The following PAPPA variants were observed in gnomAD, a reference collection of about 807,000 sequenced individuals.
PAPPA encodes the protein pappalysin-1.
In PAPPA, 60 loss-of-function variants were observed where a neutral mutation model predicts 164.0. The observed-to-expected ratio is 0.37, with a 90% CI of 0.30 to 0.45. The LOEUF is 0.45. Ranked by LOEUF, PAPPA falls within the 20% of genes least tolerant of loss-of-function variation. PAPPA has a pLI of 1.00. For missense variants in PAPPA, 1,782 were observed against 2,087.3 expected, an observed-to-expected ratio of 0.85 and a Z score of 2.85; for synonymous variants, 875 against 814.1, an observed-to-expected ratio of 1.07 and a Z score of -1.27.
At chr9:116,225,921 G>A (rs1844501869) in intron 5 of PAPPA, among the ~76,000 whole-genome samples, 1 of 152,090 alleles carries the variant, frequency 6.6e-6, no homozygotes, top group Non-Finnish European at 1.5e-5. Context: ...GTTGTGTGCT[G>A]TGCTGTGTGA....
At chr9:116,353,952 G>A (rs1846318553) in intron 17 of PAPPA, among the ~76,000 whole-genome samples, 159 bp downstream of exon 17, 3 of 152,064 alleles carry the variant, frequency 2.0e-5, no homozygotes, top group Admixed American at 2.0e-4. Flanking sequence ...GAGATTCTTA[G>A]CTTTGAATTT....
At chr9:116,278,289 G>A (rs1845225572) in intron 9 of PAPPA, among the ~76,000 whole-genome samples, 2 of 152,292 alleles carry the variant, frequency 1.3e-5, no homozygotes, top group Admixed American at 1.3e-4. Context: ...TCAGAAAATT[G>A]AGGCGTTGAG....
rs79612965 is a variant in PAPPA, at chr9:116,318,350, T to C, written c.3148-12894T>C. 6 of 152,244 alleles carry C rather than the reference T, an allele frequency of 3.9e-5. No homozygotes were observed. The East Asian group carries it at 1.2e-3, about 29-fold the overall frequency. 9.4% of individuals were successfully genotyped at this position (152,244 alleles called of 1,614,324 possible). A position where few individuals can be genotyped will look rare whatever the true frequency, so the allele number is the denominator to read the frequency against. On this transcript the variant is annotated intron_variant, in intron 10 of 21. Transcript: ENST00000328252. The stretch of plus-strand genomic sequence containing the variant: ...TTTTATCTTTGTTGCTTTTGTTCCT[T>C]TGGGGTCCATTTTCTTCATGTGGAC...
At chr9:116,333,143 A>T (rs536427899) in intron 12 of PAPPA, among the ~76,000 whole-genome samples, 3 of 152,190 alleles carry the variant, frequency 2.0e-5, no homozygotes, top group Non-Finnish European at 4.4e-5. Context: ...CAGAGGAGAG[A>T]GCCTGAATCC....
At chr9:116,244,733 A>G (rs1344961077) in intron 7 of PAPPA, among the ~76,000 whole-genome samples, 2 of 152,208 alleles carry the variant, frequency 1.3e-5, no homozygotes, top group African/African-American at 4.8e-5. Context: ...AAATTAGTAC[A>G]ACCTCTATGG....
rs369805016 is a variant in PAPPA at position 116,293,753 on chromosome 9, G to A, written c.2954-9004G>A. Among the ~76,000 whole-genome samples the A allele has an allele frequency of 5.3e-5, 8 of 152,204 alleles. No individual in the cohort carries two copies. The South Asian group carries it at 8.3e-4, about 16-fold the overall frequency. Reference sequence around the variant, plus strand: ...GCGGATCACCTGAGGTCGGGAGTTCGAGACCAGCCTGACCAATGTGGAGAA... The same window carrying A: ...GCGGATCACCTGAGGTCGGGAGTTCAAGACCAGCCTGACCAATGTGGAGAA... On this transcript the variant is annotated intron_variant, in intron 9 of 21. Coordinates refer to ENST00000328252, the MANE Select transcript of PAPPA (RefSeq NM_002581.5).
Position 116,154,240 on chromosome 9 carries a change from A to G in PAPPA, c.68A>G (p.Glu23Gly). The G allele has an allele frequency of 7.1e-7, 1 of 1,411,178 alleles. No homozygotes were observed. The highest frequency in any genetic ancestry group is 1.3e-5 in the South Asian group (1 of 78,086). 87.4% of individuals were successfully genotyped at this position (1,411,178 alleles called of 1,614,324 possible). A position where few individuals can be genotyped will look rare whatever the true frequency, so the allele number is the denominator to read the frequency against. The change falls in exon 1 of 22, where the codon GAG (glutamate) becomes GGG (glycine). Residue 23 changes from glutamate to glycine, a missense_variant. By Grantham distance (98) the Glu-to-Gly change is moderately conservative. Around this residue, in one of 2 missense-constraint regions of PAPPA, gnomAD observed 458 missense variants for 430.3 expected, o/e 1.06. Transcript: ENST00000328252. The surrounding 1 kb of genome is among the most constrained non-coding windows in gnomAD (Gnocchi z 5.2). ...GCCGCGCTGGGCTGCGGGCTGGCCG[A>G]GCGTCCCCGCCGGGCCCGGAGAGAC... Reference protein sequence around the residue: ...LSAALGCGLAERPRRARRDPR... With the variant: ...LSAALGCGLAGRPRRARRDPR...
At chr9:116,293,914 C>T (rs546299174) in intron 9 of PAPPA, among the ~76,000 whole-genome samples, 1 of 152,244 alleles carries the variant, frequency 6.6e-6, no homozygotes, top group Admixed American at 6.5e-5. Context: ...TGCACCATTG[C>T]ACTTCAGCCT....
chr9:116,382,608 C>G, intron 21 of PAPPA, 115 bp downstream of exon 21: 1 of 687,486 alleles, frequency 1.5e-6, no homozygotes, highest in East Asian at 2.6e-5. Flanking sequence ...CAGCACTGTC[C>G]ACACGCTTTA....
chr9:116,372,563 T>C lies in PAPPA; in HGVS notation c.4605+4809T>C, dbSNP rs557641431. Reference sequence around the variant, plus strand: ...GGGGTGGCAGCCTGTCTCCCATCAGTTCCTAAGAAATAGATCCAATTTGCT... The same window carrying C: ...GGGGTGGCAGCCTGTCTCCCATCAGCTCCTAAGAAATAGATCCAATTTGCT... On this transcript the variant is annotated intron_variant, in intron 19 of 21. Coordinates refer to ENST00000328252, the MANE Select transcript of PAPPA (RefSeq NM_002581.5). Among the ~76,000 whole-genome samples, 4 of 152,234 alleles carry C rather than the reference T, an allele frequency of 2.6e-5. No homozygotes were observed. In the South Asian group the frequency reaches 8.3e-4, roughly 32 times the overall value.
At chr9:116,264,736 G>A (rs916571306) in intron 7 of PAPPA, among the ~76,000 whole-genome samples, 5 of 152,062 alleles carry the variant, frequency 3.3e-5, no homozygotes, top group Admixed American at 1.3e-4. Flanking sequence ...TTTTCCCATG[G>A]TACTTTGTTG....
At chr9:116,322,320 G>A (rs1023137518) in intron 10 of PAPPA, among the ~76,000 whole-genome samples, 3 of 148,046 alleles carry the variant, frequency 2.0e-5, no homozygotes, top group Non-Finnish European at 4.4e-5. Flanking sequence ...GGAGGCAGGA[G>A]AACCGCTTGA....
chr9:116,248,116 C>T (rs1844818092), intron 7 of PAPPA, among the ~76,000 whole-genome samples: 1 of 152,212 alleles, frequency 6.6e-6, no homozygotes. Context: ...AACACTCTGA[C>T]ACATACAGAC....
chr9:116,351,600 C>T lies in PAPPA; in HGVS notation c.3965-1106C>T, dbSNP rs142413388. ...GTAGCCAACTTCCCATTAAAAACAA[C>T]CATCTCTGTAGTTAGACAGAATTTG... is the stretch of plus-strand genomic sequence containing the variant. On this transcript the variant is annotated intron_variant, in intron 15 of 21. Coordinates refer to ENST00000328252, the MANE Select transcript of PAPPA (RefSeq NM_002581.5). Among the ~76,000 whole-genome samples, 183 of 152,298 alleles carry T rather than the reference C, an allele frequency of 1.2e-3. 1 individual carries two copies. The highest frequency in any genetic ancestry group is 4.3e-3 in the African/African-American group (177 of 41,566).
chr9:116,267,307 A>T (rs1388357850), intron 8 of PAPPA, among the ~76,000 whole-genome samples: 1 of 152,274 alleles, frequency 6.6e-6, no homozygotes, highest in Non-Finnish European at 1.5e-5. Flanking sequence ...TACAGCAAGG[A>T]TGATGCAGTA....
chr9:116,278,996 C>G (rs538279787), intron 9 of PAPPA, among the ~76,000 whole-genome samples: 6 of 152,282 alleles, frequency 3.9e-5, no homozygotes, highest in Admixed American at 2.6e-4. Flanking sequence ...GCCAACCCAT[C>G]ATCAGCAAAA....
chr9:116,317,059 C>G (rs1326045430), intron 10 of PAPPA, among the ~76,000 whole-genome samples: 2 of 152,006 alleles, frequency 1.3e-5, no homozygotes, highest in Non-Finnish European at 2.9e-5. Context: ...CAATCTGGAA[C>G]ACACAGATCT....
chr9:116,370,152 A>G (rs1369851770), intron 19 of PAPPA, among the ~76,000 whole-genome samples: 1 of 152,114 alleles, frequency 6.6e-6, no homozygotes, highest in Non-Finnish European at 1.5e-5. Flanking sequence ...AGCTGCTGCC[A>G]CTTTTATCCC....
intron 18 of PAPPA, among the ~76,000 whole-genome samples, chr9:116,364,006 A>C (rs962106862): frequency 6.6e-6 from 1 of 152,230 alleles, no homozygotes; most frequent in African/African-American, 2.4e-5. Context: ...GATCTTATAC[A>C]GCCACCAATT....
Sources: gnomAD v4.1 joint callset for allele counts (sites outside exome capture counted in the v4.1 genomes callset) on GRCh38, gnomAD v4.1.1 for gene constraint, gnomAD v4.1.1 regional missense constraint, Gnocchi (gnomAD v3.1) non-coding constraint, MANE v1.5 for transcripts, NCBI Gene and HGNC (gene_info 2026-07-23, HGNC 2026-07-21) for gene names.